The following KIF18A variants were observed in gnomAD, a reference collection of about 807,000 sequenced individuals.
KIF18A encodes the protein kinesin-like protein KIF18A.
A neutral mutation model predicts 103.3 loss-of-function variants in KIF18A; 67 were observed. That is an observed-to-expected ratio of 0.65 (90% CI 0.53 to 0.79). The LOEUF (loss-of-function observed/expected upper bound fraction) is 0.79, where lower values mean the gene tolerates loss of function less well. Ranked by LOEUF, KIF18A falls within the 30% of genes least tolerant of loss-of-function variation. The pLI, the probability that KIF18A is intolerant of heterozygous loss-of-function variation, is 0.00. For synonymous variants in KIF18A, 367 were observed against 355.5 expected, an observed-to-expected ratio of 1.03 and a Z score of -0.36; for missense variants, 1,032 against 1,062.5, an observed-to-expected ratio of 0.97 and a Z score of 0.40.
At chr11:28,058,265 TATC>T (rs1018404731) in intron 13 of KIF18A, among the ~76,000 whole-genome samples, 3 of 152,120 alleles carry the variant, frequency 2.0e-5, no homozygotes, top group Admixed American at 6.6e-5. Context: ...AACAGATTAT[TATC>T]ATAAAATATG....
At chr11:28,029,853 T>C (rs1178365776) in intron 15 of KIF18A, among the ~76,000 whole-genome samples, 1 of 115,566 alleles carries the variant, frequency 8.7e-6, no homozygotes, top group Non-Finnish European at 1.8e-5. Context: ...AAAATCAATA[T>C]ACAAAAATCA....
At chr11:28,027,032 G>C (rs1362827852) in intron 15 of KIF18A, among the ~76,000 whole-genome samples, 1 of 151,646 alleles carries the variant, frequency 6.6e-6, no homozygotes, top group East Asian at 1.9e-4. Flanking sequence ...TGTTTAGGAG[G>C]GACAAGGACA....
At chr11:28,094,536 T>A (rs1389800939) in intron 3 of KIF18A, 107 bp downstream of exon 3, 1 of 854,884 alleles carries the variant, frequency 1.2e-6, no homozygotes, top group Non-Finnish European at 1.8e-6. Context: ...CAAGGAATTT[T>A]AATGATTTTA....
intron 1 of KIF18A, among the ~76,000 whole-genome samples, chr11:28,104,153 T>C (rs1235390526): frequency 6.6e-6 from 1 of 152,210 alleles, no homozygotes; most frequent in Non-Finnish European, 1.5e-5. Flanking sequence ...GCAAGTACAA[T>C]AAATTTTATT....
chr11:28,038,426 T>G (rs1850520813), intron 13 of KIF18A, among the ~76,000 whole-genome samples: 1 of 151,662 alleles, frequency 6.6e-6, no homozygotes, highest in Admixed American at 6.6e-5. Flanking sequence ...ATGAAATACC[T>G]TTGCTTGGAG....
At chr11:28,056,480 T>C (rs768943254) in intron 13 of KIF18A, among the ~76,000 whole-genome samples, 10 of 152,008 alleles carry the variant, frequency 6.6e-5, no homozygotes, top group Non-Finnish European at 1.3e-4. Context: ...GAAAGTGCCA[T>C]GCAATATAAT....
At chr11:28,046,716 GAA>G (rs200881195) in intron 13 of KIF18A, among the ~76,000 whole-genome samples, 1 of 114,514 alleles carries the variant, frequency 8.7e-6, no homozygotes, top group Non-Finnish European at 1.8e-5. Context: ...AAAAAAAAAA[GAA>G]AAAAAATATT....
Position 28,036,678 on chromosome 11 carries a change from T to C in KIF18A, c.1949-14A>G. 6.7e-7 allele frequency: 1 copy of C among 1,493,760 alleles called. No homozygotes were observed. Among genetic ancestry groups the C allele is most frequent in the Non-Finnish European group, 9.0e-7 (1 of 1,107,098 alleles). The allele number at this position is 1,493,760 out of a possible 1,614,324, so 92.5% of individuals were successfully genotyped here. A position where few individuals can be genotyped will look rare whatever the true frequency, so the allele number is the denominator to read the frequency against. On this transcript the variant is annotated splice_polypyrimidine_tract_variant and intron_variant, in intron 13 of 16. Coordinates refer to ENST00000263181, the MANE Select transcript of KIF18A (RefSeq NM_031217.4). Reference sequence around the variant, plus strand: ...CTGAAGATGAGCCTATTCAAAAAAATAAAAAAAGACACTCGATAATGTTTC... The same window carrying C: ...CTGAAGATGAGCCTATTCAAAAAAACAAAAAAAGACACTCGATAATGTTTC...
intron 11 of KIF18A, among the ~76,000 whole-genome samples, chr11:28,063,379 T>C (rs1460847398): frequency 6.6e-6 from 1 of 152,024 alleles, no homozygotes; most frequent in African/African-American, 2.4e-5. Context: ...TTTATATACA[T>C]CCTCTCATAA....
Position 28,026,850 on chromosome 11 carries a change from T to G in KIF18A, c.2505-3000A>C, listed in dbSNP as rs778234784. The stretch of plus-strand genomic sequence containing the variant: ...GATAAAAGTAGACGAAACAGATGAT[T>G]GTGGTTAGCTAGGCTCACTCATAAA... On this transcript the variant is annotated intron_variant, in intron 15 of 16. Transcript: ENST00000263181. Among the ~76,000 whole-genome samples the G allele has an allele frequency of 3.3e-5, 5 of 151,904 alleles. No homozygotes were observed. The South Asian group carries it at 8.3e-4, about 25-fold the overall frequency.
In KIF18A at chr11:28,062,454, T is replaced by C. The variant is rs759230480; in HGVS notation, c.1653A>G (p.Gln551=). The change falls in exon 12 of 17, where the codon CAA becomes CAG. Residue 551 remains glutamine, a synonymous_variant. Transcript: ENST00000263181. The stretch of plus-strand genomic sequence containing the variant: ...AAGCTAGATCCATCATATGTCTAAT[T>C]TGTGCTTTCAAATCTTTGTTCTGGA... The part of the protein sequence containing the change: ...LHLQNKDLKA[Q]IRHMMDLACL... 12 of 1,612,008 alleles carry C rather than the reference T, an allele frequency of 7.4e-6. No homozygotes were observed. The East Asian group carries it at 1.3e-4, about 18-fold the overall frequency.
intron 2 of KIF18A, chr11:28,097,265 AG>A (rs1400852284): frequency 5.6e-6 from 1 of 179,728 alleles, no homozygotes; most frequent in Admixed American, 5.9e-5. Flanking sequence ...ACTACTCTCC[AG>A]GAATAGATAA....
In KIF18A at chr11:28,035,442, C is replaced by T. The variant is rs754750409; in HGVS notation, c.2449G>A (p.Val817Met). The T allele has an allele frequency of 3.7e-6, 6 of 1,603,158 alleles. No homozygotes were observed. Among genetic ancestry groups the T allele is most frequent in the African/African-American group, 1.3e-5 (1 of 74,376 alleles). ...TKHSMPVPSMVPSYMAMTTAA... is the reference protein window; with the variant it reads ...TKHSMPVPSMMPSYMAMTTAA... ...GTAGTCATTGCCATGTAGGATGGCA[C>T]CATGCTTGGTACAGGCATAGAATGC... Residue 817 changes from valine (V) to methionine (M), a missense_variant, in exon 15 of 17, where the codon GTG (valine) becomes ATG (methionine). Physicochemically the swap from Val to Met is conservative, Grantham distance 21. Transcript: ENST00000263181.
chr11:28,090,551 A>T lies in KIF18A; in HGVS notation c.699+66T>A, dbSNP rs181349407. ...TTTTTTCACATGTATGAAAATGATG[A>T]TTCATGAATTTAGCTTCATTTATTT... On this transcript the variant is annotated intron_variant, in intron 5 of 16. Coordinates refer to ENST00000263181, the MANE Select transcript of KIF18A (RefSeq NM_031217.4). The T allele has an allele frequency of 1.0e-5, 9 of 897,666 alleles. No homozygotes were observed. The Admixed American group carries it at 1.6e-4, about 16-fold the overall frequency. The allele number at this position is 897,666 out of a possible 1,614,324, so 55.6% of individuals were successfully genotyped here.
Position 28,076,971 on chromosome 11 carries a change from T to C in KIF18A, c.1425+36A>G, listed in dbSNP as rs553527992. On this transcript the variant is annotated intron_variant, in intron 10 of 16. Coordinates refer to ENST00000263181, the MANE Select transcript of KIF18A (RefSeq NM_031217.4). ...AAAAAAAAAAGCCCCCATGTTTTTA[T>C]ACTTTCTAAAATTTAATTATAAAAT... is the stretch of plus-strand genomic sequence containing the variant. 1.8e-5 allele frequency: 19 copies of C among 1,067,660 alleles called. 1 individual carries two copies. In the African/African-American group the frequency reaches 3.1e-4, roughly 17 times the overall value. The allele number at this position is 1,067,660 out of a possible 1,614,324, so 66.1% of individuals were successfully genotyped here. A position where few individuals can be genotyped will look rare whatever the true frequency, so the allele number is the denominator to read the frequency against.
intron 9 of KIF18A, among the ~76,000 whole-genome samples, chr11:28,078,692 TA>T (rs1395986920): frequency 1.9e-4 from 29 of 152,160 alleles, no homozygotes; most frequent in African/African-American, 7.0e-4. Flanking sequence ...TTACTCTTTA[TA>T]AAAGAACAAT....
intron 13 of KIF18A, among the ~76,000 whole-genome samples, chr11:28,040,488 T>C (rs1287319434): frequency 6.6e-6 from 1 of 151,736 alleles, no homozygotes; most frequent in Non-Finnish European, 1.5e-5. Flanking sequence ...CAGATTATAA[T>C]TCCTTCAGAA....
At chr11:28,028,174 G>A (rs867749751) in intron 15 of KIF18A, among the ~76,000 whole-genome samples, 14 of 151,686 alleles carry the variant, frequency 9.2e-5, no homozygotes, top group African/African-American at 1.7e-4. Context: ...CTCACCAAGC[G>A]GACTTAATAG....
At chr11:28,033,457 C>G (rs75207101) in intron 15 of KIF18A, among the ~76,000 whole-genome samples, 1 of 151,338 alleles carries the variant, frequency 6.6e-6, no homozygotes, top group Non-Finnish European at 1.5e-5. Flanking sequence ...TGGAAGCAAC[C>G]TAAGTGCCAA....
Sources: allele counts gnomAD v4.1 joint callset (sites outside exome capture counted in the v4.1 genomes callset), GRCh38; gene constraint gnomAD v4.1.1; transcripts MANE v1.5; gene names NCBI Gene and HGNC (gene_info 2026-07-23, HGNC 2026-07-21).